Variants in PTH1R observed in about 807,000 individuals in gnomAD.
PTH1R encodes parathyroid hormone 1 receptor.
PTH1R carries 32 observed loss-of-function variants against 70.7 expected under a neutral mutation model. The observed-to-expected ratio is 0.45, with a 90% CI of 0.34 to 0.61. The LOEUF (loss-of-function observed/expected upper bound fraction) is 0.61. Among genes scored for constraint, PTH1R ranks in the 20% least tolerant of loss-of-function variants. PTH1R has a pLI of 0.01. For missense variants in PTH1R, 626 were observed against 792.5 expected, an observed-to-expected ratio of 0.79 and a Z score of 2.52; for synonymous variants, 329 against 324.8, an observed-to-expected ratio of 1.01 and a Z score of -0.14.
Position 46,896,881 on chromosome 3 carries a change from C to A in PTH1R, c.314-974C>A, listed in dbSNP as rs2031785246. On this transcript the variant is annotated intron_variant, in intron 5 of 15. Coordinates refer to ENST00000449590, the MANE Select transcript of PTH1R (RefSeq NM_000316.3). This position sits in a 1 kb window ranked among gnomAD's most constrained non-coding sequence, Gnocchi z 4.1. ...TTAGATTTGGGGAATCGATCTCCCC[C>A]AGCAGTGGCCGTGGGAGTCTCACAG... 6.6e-6 allele frequency among the ~76,000 whole-genome samples: 1 copy of A among 152,204 alleles called. No homozygotes were observed. Among genetic ancestry groups the A allele is most frequent in the African/African-American group, 2.4e-5 (1 of 41,454 alleles).
At position 46,903,469 on chromosome 3, in the gene PTH1R, C is replaced by A. The variant is rs749853183; in HGVS notation, c.1595C>A (p.Pro532His). 2 of 1,613,704 alleles carry A rather than the reference C, an allele frequency of 1.2e-6. No individual in the cohort carries two copies. The highest frequency in any genetic ancestry group is 3.3e-5 in the Admixed American group (2 of 60,030). ...LLPTATTNGH[P>H]QLPGHAKPGT... ...CCCACTGCCACCACCAACGGCCACC[C>A]TCAGCTGCCTGGCCATGCCAAGCCA... The change falls in exon 16 of 16, where the codon CCT becomes CAT. Residue 532 changes from proline (P) to histidine (H), a missense_variant. Pro to His is a moderately conservative substitution (Grantham distance 77). This residue lies in a region of PTH1R where 495 missense variants were observed against 638.7 expected (regional missense o/e 0.77). Transcript: ENST00000449590. The surrounding 1 kb of genome is among the most constrained non-coding windows in gnomAD (Gnocchi z 4.4).
intron 3 of PTH1R, among the ~76,000 whole-genome samples, chr3:46,887,148 G>T (rs1286743792): frequency 6.6e-6 from 1 of 151,944 alleles, no homozygotes; most frequent in Non-Finnish European, 1.5e-5. Flanking sequence ...GCTGAGGCAG[G>T]AGAATCGCTT....
Position 46,892,941 on chromosome 3 carries a change from C to T in PTH1R, c.76-966C>T, listed in dbSNP as rs976586746. ...CCCGCCCTGGGGAGGTTTCAGAGAC[C>T]GCCTTAACCTCTGCGGGTCACATTC... is the stretch of plus-strand genomic sequence containing the variant. On this transcript the variant is annotated intron_variant, in intron 3 of 15. Coordinates refer to ENST00000449590, the MANE Select transcript of PTH1R (RefSeq NM_000316.3). This position sits in a 1 kb window ranked among gnomAD's most constrained non-coding sequence, Gnocchi z 5.2. 2.1e-5 allele frequency: 8 copies of T among 372,832 alleles called. No individual in the cohort carries two copies. The highest frequency in any genetic ancestry group is 1.3e-4 in the African/African-American group (6 of 45,838). The allele number at this position is 372,832 out of a possible 1,614,324, so 23.1% of individuals were successfully genotyped here. A position where few individuals can be genotyped will look rare whatever the true frequency, so the allele number is the denominator to read the frequency against.
chr3:46,886,608 C>G (rs1241419164), intron 3 of PTH1R, among the ~76,000 whole-genome samples: 1 of 152,166 alleles, frequency 6.6e-6, no homozygotes, highest in Non-Finnish European at 1.5e-5. Context: ...CCGCCCGCCT[C>G]GGCCTCCCAA....
Position 46,883,070 on chromosome 3 carries a change from G to T in PTH1R, c.-48-442G>T, listed in dbSNP as rs1225029666. Among the ~76,000 whole-genome samples the T allele has an allele frequency of 6.6e-6, 1 of 151,168 alleles. No individual in the cohort carries two copies. The highest frequency in any genetic ancestry group is 2.4e-5 in the African/African-American group (1 of 41,068). On this transcript the variant is annotated intron_variant, in intron 2 of 15. Coordinates refer to ENST00000449590, the MANE Select transcript of PTH1R (RefSeq NM_000316.3). The surrounding 1 kb of genome is among the most constrained non-coding windows in gnomAD (Gnocchi z 6.4). ...GTCCTGCGCGCCCCCCGCAGACCGC[G>T]ACCCCGACCCCTCCCCCGCCCCCTC...
Position 46,897,858 on chromosome 3 carries a change from G to T in PTH1R, c.317G>T (p.Arg106Leu), listed in dbSNP as rs200493857. Residue 106 changes from arginine (R) to leucine (L), a missense_variant, in exon 6 of 16, where the codon CGC becomes CTC. This residue lies in a region of PTH1R where 8 missense variants were observed against 28.0 expected (regional missense o/e 0.29). Transcript: ENST00000449590. ...EAPTGSRYRG[R>L]PCLPEWDHIL... The stretch of plus-strand genomic sequence containing the variant: ...CCCTGTCTGTCTCTGGGCACAGGGC[G>T]CCCCTGTCTGCCGGAATGGGACCAC... 1 of 1,612,762 alleles carries T rather than the reference G, an allele frequency of 6.2e-7. No homozygotes were observed. The highest frequency in any genetic ancestry group is 8.5e-7 in the Non-Finnish European group (1 of 1,179,862).
rs886202180 is a variant in PTH1R at position 46,883,124 on chromosome 3, G to A, written c.-48-388G>A. 4.7e-5 allele frequency among the ~76,000 whole-genome samples: 7 copies of A among 148,406 alleles called. No homozygotes were observed. Among genetic ancestry groups the A allele is most frequent in the Admixed American group, 2.0e-4 (3 of 15,016 alleles). On this transcript the variant is annotated intron_variant, in intron 2 of 15. Transcript: ENST00000449590. The surrounding 1 kb of genome is among the most constrained non-coding windows in gnomAD (Gnocchi z 6.4). Reference sequence around the variant, plus strand: ...CCACTGGGCGTGGGGCGAAGCCACAGCTCCCATTTCCCCAAAAGAAAAAAA... The same window carrying A: ...CCACTGGGCGTGGGGCGAAGCCACAACTCCCATTTCCCCAAAAGAAAAAAA...
In PTH1R at chr3:46,901,754, T is replaced by G; in HGVS notation, c.1117-12T>G. 1.2e-6 allele frequency: 2 copies of G among 1,612,650 alleles called. No individual in the cohort carries two copies. Among genetic ancestry groups the G allele is most frequent in the Non-Finnish European group, 1.7e-6 (2 of 1,178,720 alleles). ...GGTGCAGCCTCCAGACGCAGCCCCC[T>G]CACTCCCACAGCTCAACTTCATCCT... On this transcript the variant is annotated splice_polypyrimidine_tract_variant and intron_variant, in intron 12 of 15. Transcript: ENST00000449590. This position sits in a 1 kb window ranked among gnomAD's most constrained non-coding sequence, Gnocchi z 7.3.
In PTH1R at chr3:46,903,448, C is replaced by G; in HGVS notation, c.1574C>G (p.Thr525Ser). ...CCCCTCAGCCCCCGCCTACTGCCCA[C>G]TGCCACCACCAACGGCCACCCTCAG... is the stretch of plus-strand genomic sequence containing the variant. ...GLPLSPRLLPTATTNGHPQLP... is the reference protein window; with the variant it reads ...GLPLSPRLLPSATTNGHPQLP... Residue 525 changes from threonine to serine, a missense_variant, in exon 16 of 16, where the codon ACT (threonine) becomes AGT (serine). Coordinates refer to ENST00000449590, the MANE Select transcript of PTH1R (RefSeq NM_000316.3). This position sits in a 1 kb window ranked among gnomAD's most constrained non-coding sequence, Gnocchi z 4.4. The G allele has an allele frequency of 6.2e-7, 1 of 1,613,622 alleles. No homozygotes were observed. The highest frequency in any genetic ancestry group is 1.1e-5 in the South Asian group (1 of 91,070).
At chr3:46,890,542 TGCCCA>T (rs1227801309) in intron 3 of PTH1R, among the ~76,000 whole-genome samples, 2 of 147,178 alleles carry the variant, frequency 1.4e-5, no homozygotes, top group African/African-American at 5.0e-5. Context: ...TCGCTCTTGT[TGCCCA>T]GGCTAGAGTG....
Position 46,903,794 on chromosome 3 carries a change from A to G in PTH1R, c.*138A>G. The G allele has an allele frequency of 5.8e-6, 8 of 1,386,358 alleles. No homozygotes were observed. The highest frequency in any genetic ancestry group is 7.8e-6 in the Non-Finnish European group (8 of 1,032,070). The allele number at this position is 1,386,358 out of a possible 1,614,324, so 85.9% of individuals were successfully genotyped here. A position where few individuals can be genotyped will look rare whatever the true frequency, so the allele number is the denominator to read the frequency against. On this transcript the variant is annotated 3_prime_UTR_variant, in exon 16 of 16. Coordinates refer to ENST00000449590, the MANE Select transcript of PTH1R (RefSeq NM_000316.3). The surrounding 1 kb of genome is among the most constrained non-coding windows in gnomAD (Gnocchi z 4.4). ...AAAAGAAAAAAAAAAGAAAAAGGAA[A>G]AGGAAGCGGTGTGTGGCTTCCTGTG...
Position 46,884,797 on chromosome 3 carries a change from G to A in PTH1R, c.75+1163G>A, listed in dbSNP as rs979892054. ...GTGTAAGCCTGGGCTGTCCTTCTCC[G>A]TGCCTCAGTTGCCCCATCTGTAAAA... On this transcript the variant is annotated intron_variant, in intron 3 of 15. Transcript: ENST00000449590. The surrounding 1 kb of genome is among the most constrained non-coding windows in gnomAD (Gnocchi z 4.8). Among the ~76,000 whole-genome samples the A allele has an allele frequency of 6.6e-6, 1 of 152,128 alleles. No individual in the cohort carries two copies. Among genetic ancestry groups the A allele is most frequent in the Non-Finnish European group, 1.5e-5 (1 of 68,020 alleles).
chr3:46,894,323 A>C (rs1361640534), intron 4 of PTH1R, among the ~76,000 whole-genome samples: 1 of 152,074 alleles, frequency 6.6e-6, no homozygotes, highest in Non-Finnish European at 1.5e-5. Context: ...GAAGGAGAGG[A>C]GCCGCTTCCT....
In PTH1R at chr3:46,896,504, G is replaced by A. The variant is rs956795494; in HGVS notation, c.313+635G>A. Among the ~76,000 whole-genome samples, 3 of 152,232 alleles carry A rather than the reference G, an allele frequency of 2.0e-5. No individual in the cohort carries two copies. Among genetic ancestry groups the A allele is most frequent in the East Asian group, 1.9e-4 (1 of 5,200 alleles). On this transcript the variant is annotated intron_variant, in intron 5 of 15. Coordinates refer to ENST00000449590, the MANE Select transcript of PTH1R (RefSeq NM_000316.3). This position sits in a 1 kb window ranked among gnomAD's most constrained non-coding sequence, Gnocchi z 4.1. ...GCCACAGGGCCGGTTTCAGCCGGCC[G>A]GGTGGGCAGCAGATTCCAGATGGGC...
At position 46,895,715 on chromosome 3, in the gene PTH1R, T is replaced by G; in HGVS notation, c.179-20T>G. The G allele has an allele frequency of 6.2e-7, 1 of 1,613,978 alleles. No homozygotes were observed. The highest frequency in any genetic ancestry group is 2.2e-5 in the East Asian group (1 of 44,872). ...TTGTAGCACAGCTGACAGCCATCATTACCACCCTGGTTTCTCCAGCCAGCA... is the reference window on the plus strand; with the variant it reads ...TTGTAGCACAGCTGACAGCCATCATGACCACCCTGGTTTCTCCAGCCAGCA... On this transcript the variant is annotated intron_variant, in intron 4 of 15. Transcript: ENST00000449590.
chr3:46,887,456 GAAAAAAAAAA>G (rs771034289), intron 3 of PTH1R, among the ~76,000 whole-genome samples: 6 of 63,944 alleles, frequency 9.4e-5, no homozygotes, highest in South Asian at 5.6e-4. Flanking sequence ...CCCTGTCTCT[GAAAAAAAAAA>G]AAAAAAAAAA....
rs1575508179 is a variant in PTH1R, at chr3:46,883,695, A to G, written c.75+61A>G. ...GCGGGCTTACCCTAGGGTCCGCGGG[A>G]TAGGTCTAAGGCACGCAGTCTTGAG... On this transcript the variant is annotated intron_variant, in intron 3 of 15. Transcript: ENST00000449590. This position sits in a 1 kb window ranked among gnomAD's most constrained non-coding sequence, Gnocchi z 6.4. 1 of 1,535,946 alleles carries G rather than the reference A, an allele frequency of 6.5e-7. No homozygotes were observed. The highest frequency in any genetic ancestry group is 8.8e-7 in the Non-Finnish European group (1 of 1,140,434).
In PTH1R at chr3:46,898,154, G is replaced by A. The variant is rs761172480; in HGVS notation, c.505G>A (p.Glu169Lys). ...CAACAGGACGTGGGCCAACTACAGC[G>A]AGTGTGTCAAATTTCTCACCAATGA... ...GHNRTWANYS[E>K]CVKFLTNETR... The change falls in exon 7 of 16, where the codon GAG becomes AAG. Residue 169 changes from glutamate (E) to lysine (K), a missense_variant. Transcript: ENST00000449590. 2.5e-6 allele frequency: 4 copies of A among 1,614,086 alleles called. No homozygotes were observed. The highest frequency in any genetic ancestry group is 1.7e-5 in the Admixed American group (1 of 60,008).
In PTH1R at chr3:46,902,048, A is replaced by T. The variant is rs2032159900; in HGVS notation, c.1211+188A>T. On this transcript the variant is annotated intron_variant, in intron 13 of 15. Transcript: ENST00000449590. The surrounding 1 kb of genome is among the most constrained non-coding windows in gnomAD (Gnocchi z 5.4). ...GTGATGGGAGGCCCTAGGGCACCCC[A>T]AAGCCAGCCTGCCCACTTGTACCAG... Among the ~76,000 whole-genome samples, 1 of 152,198 alleles carries T rather than the reference A, an allele frequency of 6.6e-6. No homozygotes were observed. Among genetic ancestry groups the T allele is most frequent in the Non-Finnish European group, 1.5e-5 (1 of 68,026 alleles).
Sources: gnomAD v4.1 joint callset for allele counts (sites outside exome capture counted in the v4.1 genomes callset) on GRCh38, gnomAD v4.1.1 for gene constraint, gnomAD v4.1.1 regional missense constraint, Gnocchi (gnomAD v3.1) non-coding constraint, MANE v1.5 for transcripts, NCBI Gene and HGNC (gene_info 2026-07-23, HGNC 2026-07-21) for gene names.